The following DOCK1 variants were observed in gnomAD, a reference collection of about 807,000 sequenced individuals.
The protein encoded by DOCK1 is dedicator of cytokinesis 1.
In DOCK1, 138 loss-of-function variants were observed where a neutral mutation model predicts 262.7. That is an observed-to-expected ratio of 0.53 (90% CI 0.46 to 0.61). The LOEUF is 0.61. Among genes scored for constraint, DOCK1 ranks in the 20% least tolerant of loss-of-function variants. The pLI is 0.00. For missense variants in DOCK1, 1,908 were observed against 2,370.7 expected (o/e 0.80, Z 4.05); for synonymous variants, 866 against 867.4 (o/e 1.00, Z 0.03).
In DOCK1 at chr10:127,404,364, A is replaced by T. The variant is rs1227205955; in HGVS notation, c.4057A>T (p.Ile1353Phe). 1 of 1,613,786 alleles carries T rather than the reference A, an allele frequency of 6.2e-7. No individual in the cohort carries two copies. Among genetic ancestry groups the T allele is most frequent in the Admixed American group, 1.7e-5 (1 of 59,994 alleles). The change falls in exon 40 of 52, where the codon ATC (isoleucine) becomes TTC (phenylalanine). Residue 1353 changes from isoleucine (I) to phenylalanine (F), a missense_variant. Coordinates refer to ENST00000623213, the MANE Select transcript of DOCK1 (RefSeq NM_001290223.2). ...GTTTTATGAAAACATCGTCAAAGTG[A>T]TCAGGCCCAAGCCTGACTATTTTGC... Reference protein sequence around the residue: ...AQFYENIVKVIRPKPDYFAVG... With the variant: ...AQFYENIVKVFRPKPDYFAVG...
chr10:127,213,707 G>A (rs766274110), intron 27 of DOCK1, among the ~76,000 whole-genome samples: 1 of 152,188 alleles, frequency 6.6e-6, no homozygotes, highest in South Asian at 2.1e-4. Flanking sequence ...TTGTTAGGCT[G>A]CCGTGGCCAG....
chr10:127,421,296 C>T (rs1265373605), intron 46 of DOCK1, among the ~76,000 whole-genome samples: 2 of 152,058 alleles, frequency 1.3e-5, no homozygotes, highest in East Asian at 3.9e-4. Flanking sequence ...GCCAATGAGA[C>T]GTCTTAGAGT....
At chr10:127,120,184 G>A (rs1179293094) in intron 25 of DOCK1, among the ~76,000 whole-genome samples, 1 of 152,194 alleles carries the variant, frequency 6.6e-6, no homozygotes, top group African/African-American at 2.4e-5. Flanking sequence ...GCCTAAGTCA[G>A]CACTGACAAG....
intron 23 of DOCK1, among the ~76,000 whole-genome samples, chr10:127,105,648 T>C (rs2048486928): frequency 6.6e-6 from 1 of 152,198 alleles, no homozygotes; most frequent in Non-Finnish European, 1.5e-5. Context: ...GCACACAGTA[T>C]AGGCACTTAG....
chr10:127,145,117 C>T (rs533921602), intron 27 of DOCK1, among the ~76,000 whole-genome samples: 2 of 152,164 alleles, frequency 1.3e-5, no homozygotes, highest in Admixed American at 6.5e-5. Flanking sequence ...CCCATCTTAC[C>T]TGTGGCACTC....
At chr10:126,987,140 T>C (rs933774955) in intron 4 of DOCK1, among the ~76,000 whole-genome samples, 1 of 152,210 alleles carries the variant, frequency 6.6e-6, no homozygotes, top group Non-Finnish European at 1.5e-5. Flanking sequence ...TGCATTTTAA[T>C]GCCACATGGA....
At chr10:126,932,906 T>C (rs906321206) in intron 1 of DOCK1, among the ~76,000 whole-genome samples, 5 of 152,162 alleles carry the variant, frequency 3.3e-5, no homozygotes, top group Non-Finnish European at 5.9e-5. Context: ...CGTCAGCTCC[T>C]GGCCAACTCC....
chr10:126,925,982 G>T (rs2033686330), intron 1 of DOCK1, among the ~76,000 whole-genome samples: 2 of 152,018 alleles, frequency 1.3e-5, no homozygotes, highest in Non-Finnish European at 2.9e-5. Context: ...GCCTAGCTGG[G>T]TGCAAACTCC....
intron 47 of DOCK1, among the ~76,000 whole-genome samples, chr10:127,430,348 T>C (rs1388174464): frequency 1.3e-5 from 2 of 152,148 alleles, no homozygotes; most frequent in Non-Finnish European, 2.9e-5. Flanking sequence ...GGGAGGGGTG[T>C]TGACTGGGAG....
Position 127,378,064 on chromosome 10 carries a change from C to G in DOCK1, c.3676-2018C>G, listed in dbSNP as rs191862213. ...TAGAATTTCACTGACAGCTCATAAT[C>G]GAGCATCTTTAATTATTGGTCACTA... On this transcript the variant is annotated intron_variant, in intron 35 of 51. Transcript: ENST00000623213. Among the ~76,000 whole-genome samples the G allele has an allele frequency of 3.0e-4, 46 of 152,244 alleles. 4 individuals carry two copies. In the South Asian group the frequency reaches 8.3e-3, roughly 27 times the overall value.
At position 127,404,387 on chromosome 10, in the gene DOCK1, T is replaced by G. The variant is rs1172013849; in HGVS notation, c.4080T>G (p.Phe1360Leu). The G allele has an allele frequency of 6.2e-7, 1 of 1,613,840 alleles. No homozygotes were observed. Among genetic ancestry groups the G allele is most frequent in the Non-Finnish European group, 8.5e-7 (1 of 1,179,896 alleles). Residue 1360 changes from phenylalanine (F) to leucine (L), a missense_variant, in exon 40 of 52, where the codon TTT becomes TTG. Physicochemically the swap from Phe to Leu is conservative, Grantham distance 22. Around this residue, in one of 9 missense-constraint regions of DOCK1, gnomAD observed 267 missense variants for 366.3 expected, o/e 0.73. Transcript: ENST00000623213. ...TGATCAGGCCCAAGCCTGACTATTT[T>G]GCTGTTGGCTACTACGGACAAGGGT... ...VKVIRPKPDY[F>L]AVGYYGQGFP... is the part of the protein sequence containing the mutation.
intron 23 of DOCK1, among the ~76,000 whole-genome samples, chr10:127,071,654 A>G (rs942194889): frequency 2.6e-5 from 4 of 152,182 alleles, no homozygotes; most frequent in African/African-American, 9.7e-5. Context: ...TAATGGCTGT[A>G]TGCCAGTTCA....
chr10:127,329,893 C>G (rs1001389498), intron 29 of DOCK1, among the ~76,000 whole-genome samples: 1 of 152,130 alleles, frequency 6.6e-6, no homozygotes, highest in Non-Finnish European at 1.5e-5. Flanking sequence ...TTAGTGATGA[C>G]AGGCTTGGTG....
At chr10:126,949,444 A>C (rs1264034215) in intron 1 of DOCK1, among the ~76,000 whole-genome samples, 1 of 152,126 alleles carries the variant, frequency 6.6e-6, no homozygotes, top group African/African-American at 2.4e-5. Context: ...TATACATGGC[A>C]GTCCAAAGTG....
chr10:127,047,030 G>A (rs1383123910), intron 21 of DOCK1, among the ~76,000 whole-genome samples: 1 of 152,180 alleles, frequency 6.6e-6, no homozygotes, highest in Non-Finnish European at 1.5e-5. Flanking sequence ...GACTGGAGAA[G>A]TTTGGGTGGC....
At chr10:127,441,932 T>G (rs11018090) in intron 49 of DOCK1, among the ~76,000 whole-genome samples, 1 of 151,746 alleles carries the variant, frequency 6.6e-6, no homozygotes, top group Non-Finnish European at 1.5e-5. Context: ...GAATGTGCCC[T>G]CCCTGGGATG....
At chr10:127,171,518 C>G (rs35353281) in intron 27 of DOCK1, among the ~76,000 whole-genome samples, 21,336 of 152,032 alleles carry the variant, frequency 0.14, 1,731 homozygotes, top group African/African-American at 0.22. Context: ...TATTCAAACT[C>G]ATGGGCTCCG....
At chr10:127,424,101 G>A (rs190533707) in intron 46 of DOCK1, among the ~76,000 whole-genome samples, 17 of 152,256 alleles carry the variant, frequency 1.1e-4, no homozygotes, top group African/African-American at 4.1e-4. Flanking sequence ...TTTGTGCATT[G>A]GAATGTGTTT....
At chr10:127,210,840 A>G (rs1184398122) in intron 27 of DOCK1, among the ~76,000 whole-genome samples, 1 of 152,226 alleles carries the variant, frequency 6.6e-6, no homozygotes, top group Non-Finnish European at 1.5e-5. Context: ...TTCTCCAAAG[A>G]GAAAAATAAA....
Sources: gnomAD v4.1 joint callset for allele counts (sites outside exome capture counted in the v4.1 genomes callset) on GRCh38, gnomAD v4.1.1 for gene constraint, gnomAD v4.1.1 regional missense constraint, MANE v1.5 for transcripts, NCBI Gene and HGNC (gene_info 2026-07-23, HGNC 2026-07-21) for gene names.